Variants in C9 observed in about 807,000 individuals in gnomAD.
C9 encodes complement component C9.
C9 carries 63 observed loss-of-function variants against 65.4 expected under a neutral mutation model. The observed-to-expected ratio is 0.96, with a 90% CI of 0.79 to 1.19. The LOEUF is 1.19. C9 is among the 50% of genes most tolerant of loss of function. The probability of loss-of-function intolerance (pLI) is 0.00; values close to 1 mark genes in which losing one functional copy is unlikely to be tolerated. For synonymous variants in C9, 229 were observed against 227.9 expected, an observed-to-expected ratio of 1.00 and a Z score of -0.04; for missense variants, 744 against 670.1, an observed-to-expected ratio of 1.11 and a Z score of -1.22.
chr5:39,336,901 G>T (rs1753978061), intron 4 of C9, among the ~76,000 whole-genome samples: 1 of 151,836 alleles, frequency 6.6e-6, no homozygotes. Flanking sequence ...TAATCTTTCA[G>T]TGTTGATAAA....
In C9 at chr5:39,285,178, A is replaced by G; in HGVS notation, c.*21T>C. On this transcript the variant is annotated 3_prime_UTR_variant, in exon 11 of 11. Transcript: ENST00000263408. Reference sequence around the variant, plus strand: ...TACTAGTGTTTTCTTCTTCCACTGGAGCTCAGAGAAGCCAACAGCTCTATT... The same window carrying G: ...TACTAGTGTTTTCTTCTTCCACTGGGGCTCAGAGAAGCCAACAGCTCTATT... 1 of 1,607,996 alleles carries G rather than the reference A, an allele frequency of 6.2e-7. No individual in the cohort carries two copies. The highest frequency in any genetic ancestry group is 8.5e-7 in the Non-Finnish European group (1 of 1,174,520).
intron 6 of C9, among the ~76,000 whole-genome samples, chr5:39,315,078 C>G (rs541629684): frequency 1.4e-4 from 21 of 152,240 alleles, no homozygotes; most frequent in Non-Finnish European, 2.9e-4. Context: ...AGGTAATGTA[C>G]AGACCCATAC....
intron 5 of C9, among the ~76,000 whole-genome samples, chr5:39,329,861 T>A (rs2111925521): frequency 6.6e-6 from 1 of 152,328 alleles, no homozygotes; most frequent in East Asian, 1.9e-4. Flanking sequence ...AAATCATCTC[T>A]AAGGAGTTAA....
At chr5:39,317,056 G>A (rs1319770338) in intron 5 of C9, among the ~76,000 whole-genome samples, 4 of 152,258 alleles carry the variant, frequency 2.6e-5, no homozygotes, top group East Asian at 3.9e-4. Flanking sequence ...GTTTGAGATG[G>A]TATCTCATTG....
chr5:39,352,817 C>A (rs1055234824), intron 1 of C9, among the ~76,000 whole-genome samples: 1 of 151,390 alleles, frequency 6.6e-6, no homozygotes, highest in Admixed American at 6.6e-5. Flanking sequence ...TCCCACCACT[C>A]TTGTGATGAA....
At position 39,287,541 on chromosome 5, in the gene C9, A is replaced by G. The variant is rs537648146; in HGVS notation, c.1645+1182T>C. Among the ~76,000 whole-genome samples, 3 of 152,154 alleles carry G rather than the reference A, an allele frequency of 2.0e-5. No homozygotes were observed. The East Asian group carries it at 5.8e-4, about 29-fold the overall frequency. On this transcript the variant is annotated intron_variant, in intron 10 of 10. Transcript: ENST00000263408. ...GTGCAATAGCACATATTTACAATAC[A>G]TATTTACAATAGCAAAGTCATGGAA...
chr5:39,359,102 G>GTGTGTGTATATATGTATA (rs1407613505), intron 1 of C9, among the ~76,000 whole-genome samples: 1 of 103,664 alleles, frequency 9.6e-6, no homozygotes, highest in South Asian at 3.1e-4. Context: ...GTGTGTGTGT[G>GTGTGTGTATATATGTATA]TATATATATA....
Position 39,306,654 on chromosome 5 carries a change from G to T in C9, c.1379C>A (p.Ser460Tyr), listed in dbSNP as rs760939510. ...IDVTDFVNWA[S>Y]SINDAPVLIS... ...GAGAACAGGAGCATCATTTATGGAA[G>T]AGGCCCAGTTGACAAAGTCAGTCAC... is the stretch of plus-strand genomic sequence containing the variant. The change falls in exon 9 of 11, where the codon TCT becomes TAT. Residue 460 changes from serine to tyrosine, a missense_variant. Physicochemically the swap from Ser to Tyr is moderately radical, Grantham distance 144. Coordinates refer to ENST00000263408, the MANE Select transcript of C9 (RefSeq NM_001737.5). 3.7e-6 allele frequency: 6 copies of T among 1,613,824 alleles called. No individual in the cohort carries two copies. In the South Asian group the frequency reaches 6.6e-5, roughly 18 times the overall value.
chr5:39,340,033 C>A (rs13179150), intron 4 of C9, among the ~76,000 whole-genome samples: 42,858 of 152,048 alleles, frequency 0.28, 7,224 homozygotes, highest in Non-Finnish European at 0.38. Flanking sequence ...CTTGCTCTTA[C>A]CATCACCCCT....
chr5:39,321,632 A>C (rs143718116), intron 5 of C9, among the ~76,000 whole-genome samples: 148 of 152,074 alleles, frequency 9.7e-4, no homozygotes, highest in Admixed American at 2.4e-3. Context: ...AAATGGATTA[A>C]AAAGCAGGTC....
chr5:39,318,022 C>T (rs1753601340), intron 5 of C9, among the ~76,000 whole-genome samples: 1 of 151,964 alleles, frequency 6.6e-6, no homozygotes, highest in Non-Finnish European at 1.5e-5. Flanking sequence ...CTCTGATTTC[C>T]TTGAGCAGTA....
chr5:39,333,067 C>A (rs907855911), intron 4 of C9, among the ~76,000 whole-genome samples: 1 of 152,120 alleles, frequency 6.6e-6, no homozygotes, highest in South Asian at 2.1e-4. Context: ...ATGAAAAATG[C>A]TATGGCCTTA....
intron 1 of C9, among the ~76,000 whole-genome samples, chr5:39,356,596 G>A (rs1226259927): frequency 6.6e-6 from 1 of 152,242 alleles, no homozygotes; most frequent in Non-Finnish European, 1.5e-5. Flanking sequence ...ACACCTGGTT[G>A]TTTTGCCTTC....
chr5:39,350,624 T>C (rs750827813), intron 1 of C9, among the ~76,000 whole-genome samples: 2 of 152,166 alleles, frequency 1.3e-5, no homozygotes, highest in African/African-American at 4.8e-5. Context: ...ACAGGCACCA[T>C]GCAAGTCCAA....
chr5:39,340,403 T>C (rs998254152), intron 4 of C9, among the ~76,000 whole-genome samples: 3 of 150,566 alleles, frequency 2.0e-5, no homozygotes, highest in African/African-American at 7.3e-5. Context: ...CAAAAACAGC[T>C]CAGAGTGAGT....
Position 39,284,981 on chromosome 5 carries a change from C to G in C9, c.*218G>C, listed in dbSNP as rs1472553041. On this transcript the variant is annotated 3_prime_UTR_variant, in exon 11 of 11. Transcript: ENST00000263408. ...CAGTTCTGGCGTATTTCACTGTTGA[C>G]TTCTCATTAGGGAACAAAAAATGGA... 1.9e-6 allele frequency: 1 copy of G among 514,636 alleles called. No individual in the cohort carries two copies. The highest frequency in any genetic ancestry group is 3.5e-6 in the Non-Finnish European group (1 of 284,150). The allele number at this position is 514,636 out of a possible 1,614,324, so 31.9% of individuals were successfully genotyped here.
At chr5:39,343,144 C>A (rs994983310) in intron 1 of C9, among the ~76,000 whole-genome samples, 1 of 152,080 alleles carries the variant, frequency 6.6e-6, no homozygotes, top group Non-Finnish European at 1.5e-5. Context: ...ACTGAGGTAC[C>A]GGGTTCATCT....
intron 10 of C9, among the ~76,000 whole-genome samples, chr5:39,285,896 T>C (rs1752983499): frequency 6.6e-6 from 1 of 152,064 alleles, no homozygotes; most frequent in South Asian, 2.1e-4. Context: ...GTTACGGTTT[T>C]CAATCTCATC....
intron 4 of C9, 115 bp from the exon 5 acceptor site, chr5:39,331,929 G>A (rs1397948106): frequency 2.3e-6 from 2 of 878,324 alleles, no homozygotes; most frequent in East Asian, 2.4e-5. Context: ...CACCCAATAT[G>A]TGTGTGCTAT....
Sources: gnomAD v4.1 joint callset for allele counts (sites outside exome capture counted in the v4.1 genomes callset) on GRCh38, gnomAD v4.1.1 for gene constraint, MANE v1.5 for transcripts, NCBI Gene and HGNC (gene_info 2026-07-23, HGNC 2026-07-21) for gene names.